Variants in NACC2 observed in about 807,000 individuals in gnomAD.
The protein encoded by NACC2 is nucleus accumbens-associated protein 2.
NACC2 carries 8 observed loss-of-function variants against 25.1 expected under a neutral mutation model. That is an observed-to-expected ratio of 0.32 (90% CI 0.19 to 0.57). The LOEUF (loss-of-function observed/expected upper bound fraction) is 0.57, where lower values mean the gene tolerates loss of function less well. Among genes scored for constraint, NACC2 ranks in the 20% least tolerant of loss-of-function variants. The pLI, the probability that NACC2 is intolerant of heterozygous loss-of-function variation, is 0.89. For synonymous variants in NACC2, 435 were observed against 294.7 expected, an observed-to-expected ratio of 1.48 and a Z score of -4.88; for missense variants, 644 against 650.2, an observed-to-expected ratio of 0.99 and a Z score of 0.10.
rs1353676080 is a variant in NACC2, at chr9:136,050,591, C to G, written c.-59-11G>C. Reference sequence around the variant, plus strand: ...CCTAGCGGGGCTCATCTGTGGGGGGCAGGAGGCACGTGGTCAGTTCCTCCA... The same window carrying G: ...CCTAGCGGGGCTCATCTGTGGGGGGGAGGAGGCACGTGGTCAGTTCCTCCA... On this transcript the variant is annotated splice_polypyrimidine_tract_variant and intron_variant, in intron 1 of 5. Transcript: ENST00000277554. The G allele has an allele frequency of 2.8e-6, 2 of 711,010 alleles. No individual in the cohort carries two copies. Among genetic ancestry groups the G allele is most frequent in the East Asian group, 2.6e-5 (1 of 37,926 alleles). The allele number at this position is 711,010 out of a possible 1,614,324, so 44.0% of individuals were successfully genotyped here.
At position 136,020,570 on chromosome 9, in the gene NACC2, A is replaced by G. The variant is rs1840276777; in HGVS notation, c.887-4141T>C. ...GGGTAGGAGGGAGACGGGGAGGCCT[A>G]CTCCCTAAAAGTGTATACCATTTGT... On this transcript the variant is annotated intron_variant, in intron 2 of 5. Coordinates refer to ENST00000277554, the MANE Select transcript of NACC2 (RefSeq NM_144653.5). This position sits in a 1 kb window ranked among gnomAD's most constrained non-coding sequence, Gnocchi z 4.7. 6.6e-6 allele frequency among the ~76,000 whole-genome samples: 1 copy of G among 152,130 alleles called. No individual in the cohort carries two copies. Among genetic ancestry groups the G allele is most frequent in the South Asian group, 2.1e-4 (1 of 4,830 alleles).
rs546395213 is a variant in NACC2, at chr9:136,056,356, C to T, written c.-59-5776G>A. 3.9e-4 allele frequency among the ~76,000 whole-genome samples: 59 copies of T among 152,308 alleles called. No homozygotes were observed. In the South Asian group the frequency reaches 6.2e-3, roughly 16 times the overall value. On this transcript the variant is annotated intron_variant, in intron 1 of 5. Coordinates refer to ENST00000277554, the MANE Select transcript of NACC2 (RefSeq NM_144653.5). ...AGGAACTCCCCCCAACCCCGAGGCC[C>T]CCACAAAAGCCAGGATGGCGTGTGC...
chr9:136,048,876 C>G (rs377618210), intron 2 of NACC2, among the ~76,000 whole-genome samples: 6,580 of 152,310 alleles, frequency 0.043, 373 homozygotes, highest in East Asian at 0.19. Context: ...CGGGGTCCAC[C>G]ACCTGCCCGT....
At chr9:136,081,182 T>C (rs1004938289) in intron 1 of NACC2, among the ~76,000 whole-genome samples, 1 of 152,112 alleles carries the variant, frequency 6.6e-6, no homozygotes, top group Non-Finnish European at 1.5e-5. Context: ...TCGGGGACTC[T>C]CCAGCCACCC....
chr9:136,037,115 T>C (rs957311319), intron 2 of NACC2, among the ~76,000 whole-genome samples: 10 of 152,314 alleles, frequency 6.6e-5, no homozygotes, highest in South Asian at 6.2e-4. Context: ...TAGAATTCTA[T>C]ATGCAGCAAA....
chr9:136,056,323 C>T (rs369099560), intron 1 of NACC2, among the ~76,000 whole-genome samples: 3 of 149,012 alleles, frequency 2.0e-5, no homozygotes, highest in East Asian at 1.9e-4. Flanking sequence ...CCAGGGCCCT[C>T]GGCGGCCAGG....
At chr9:136,088,971 C>A (rs540176401) in intron 1 of NACC2, among the ~76,000 whole-genome samples, 1 of 152,216 alleles carries the variant, frequency 6.6e-6, no homozygotes, top group Non-Finnish European at 1.5e-5. Context: ...CTCGGCATCG[C>A]GTGGAGCGGC....
At chr9:136,076,245 G>A (rs139503832) in intron 1 of NACC2, among the ~76,000 whole-genome samples, 99 of 152,290 alleles carry the variant, frequency 6.5e-4, no homozygotes, top group Non-Finnish European at 1.0e-3. Flanking sequence ...CCGGCCCTGC[G>A]GAACTCGAAG....
At chr9:136,032,128 C>T (rs1208842493) in intron 2 of NACC2, among the ~76,000 whole-genome samples, 3 of 152,182 alleles carry the variant, frequency 2.0e-5, no homozygotes, top group African/African-American at 4.8e-5. Context: ...AGGACTTTAA[C>T]AGAGAAGGAT....
chr9:136,073,498 A>G (rs1035003441), intron 1 of NACC2, among the ~76,000 whole-genome samples: 1 of 152,116 alleles, frequency 6.6e-6, no homozygotes, highest in African/African-American at 2.4e-5. Context: ...AGGGGGTGTG[A>G]GCGTGGATCC....
At chr9:136,023,204 TCTC>T (rs1385172945) in intron 2 of NACC2, among the ~76,000 whole-genome samples, 1 of 148,796 alleles carries the variant, frequency 6.7e-6, no homozygotes, top group East Asian at 2.0e-4. Context: ...CTCGCTGGTC[TCTC>T]GAGTCCCCAT....
At chr9:136,066,710 T>C (rs991400427) in intron 1 of NACC2, among the ~76,000 whole-genome samples, 1 of 152,126 alleles carries the variant, frequency 6.6e-6, no homozygotes, top group African/African-American at 2.4e-5. Context: ...TCATTTGCAA[T>C]AGCCAAGAAG....
In NACC2 at chr9:136,007,733, A is replaced by C. The variant is rs549204041; in HGVS notation, c.*3783T>G. ...CAGACAGAGGGTTCTTGGAGTTTTC[A>C]GTTGGTTCATGGGCCATAGATCTTT... is the stretch of plus-strand genomic sequence containing the variant. On this transcript the variant is annotated 3_prime_UTR_variant, in exon 6 of 6. Transcript: ENST00000277554. The C allele has an allele frequency of 2.0e-5, 3 of 152,318 alleles. No homozygotes were observed. Among genetic ancestry groups the C allele is most frequent in the South Asian group, 4.1e-4 (2 of 4,822 alleles). 9.4% of individuals were successfully genotyped at this position (152,318 alleles called of 1,614,324 possible).
At chr9:136,021,725 G>C (rs778040250) in intron 2 of NACC2, among the ~76,000 whole-genome samples, 9 of 152,240 alleles carry the variant, frequency 5.9e-5, no homozygotes, top group Non-Finnish European at 1.2e-4. Flanking sequence ...TGGGCATGCA[G>C]ATAAAGACAC....
rs114516920 is a variant in NACC2 at position 136,063,927 on chromosome 9, G to A, written c.-59-13347C>T. Among the ~76,000 whole-genome samples, 961 of 151,514 alleles carry A rather than the reference G, an allele frequency of 6.3e-3. 13 individuals carry two copies. The highest frequency in any genetic ancestry group is 0.022 in the African/African-American group (888 of 41,280). ...AAAAACAAAAATCACTTAAACAGCT[G>A]TGCCCTCATCGGCTAGAAGATACTG... On this transcript the variant is annotated intron_variant, in intron 1 of 5. Coordinates refer to ENST00000277554, the MANE Select transcript of NACC2 (RefSeq NM_144653.5).
chr9:136,060,142 A>G (rs905733758), intron 1 of NACC2, among the ~76,000 whole-genome samples: 2 of 152,248 alleles, frequency 1.3e-5, no homozygotes, highest in African/African-American at 4.8e-5. Context: ...AAGTACGGAT[A>G]ATGTAGTAAG....
chr9:136,079,707 C>T (rs775041280), intron 1 of NACC2, among the ~76,000 whole-genome samples: 30 of 152,218 alleles, frequency 2.0e-4, no homozygotes, highest in Non-Finnish European at 3.7e-4. Context: ...AGCCCTGGAG[C>T]GTGGCTGCAG....
intron 1 of NACC2, among the ~76,000 whole-genome samples, chr9:136,090,286 A>G (rs1444778269): frequency 4.6e-5 from 7 of 152,170 alleles, no homozygotes; most frequent in Admixed American, 4.6e-4. Context: ...GATGTGGGAC[A>G]ACTTCCTTCT....
intron 3 of NACC2, 111 bp downstream of exon 3, chr9:136,016,154 T>G: frequency 8.2e-7 from 1 of 1,224,846 alleles, no homozygotes; most frequent in South Asian, 1.5e-5. Flanking sequence ...AATTTAAGAT[T>G]TTTTTTTTGA....
Sources: allele counts gnomAD v4.1 joint callset (sites outside exome capture counted in the v4.1 genomes callset), GRCh38; gene constraint gnomAD v4.1.1; non-coding constraint Gnocchi (gnomAD v3.1); transcripts MANE v1.5; gene names NCBI Gene and HGNC (gene_info 2026-07-23, HGNC 2026-07-21).